Variants in ANK2 observed in about 807,000 individuals in gnomAD.
ANK2 encodes ankyrin-2.
ANK2 carries 83 observed loss-of-function variants against 360.5 expected under a neutral mutation model. The ratio of observed to expected loss-of-function variants is 0.23; its 90% CI spans 0.19 to 0.28. The LOEUF (loss-of-function observed/expected upper bound fraction) is 0.28. Ranked by LOEUF, ANK2 falls within the 10% of genes least tolerant of loss-of-function variation. The probability of loss-of-function intolerance (pLI) is 1.00; values close to 1 mark genes in which losing one functional copy is unlikely to be tolerated. For missense variants in ANK2, 4,201 were observed against 4,795.7 expected, an observed-to-expected ratio of 0.88 and a Z score of 3.66; for synonymous variants, 1,740 against 1,759.5, an observed-to-expected ratio of 0.99 and a Z score of 0.28.
At position 113,221,607 on chromosome 4, in the gene ANK2, C is replaced by T. The variant is rs1005057099; in HGVS notation, c.385-10554C>T. Among the ~76,000 whole-genome samples the T allele has an allele frequency of 6.0e-5, 9 of 150,802 alleles. No homozygotes were observed. In the East Asian group the frequency reaches 1.2e-3, roughly 20 times the overall value. On this transcript the variant is annotated intron_variant, in intron 4 of 45. Transcript: ENST00000357077. ...CCGGGAGGCGGAGGTTCCAGTGAGCCGAGATCGTGCCACTGCACTCCAGCC... is the reference window on the plus strand; with the variant it reads ...CCGGGAGGCGGAGGTTCCAGTGAGCTGAGATCGTGCCACTGCACTCCAGCC...
intron 2 of ANK2, among the ~76,000 whole-genome samples, chr4:113,178,398 C>T (rs943611402): frequency 1.3e-5 from 2 of 151,970 alleles, no homozygotes; most frequent in Admixed American, 6.6e-5. Context: ...GGTGAAACCC[C>T]GTCTCTACTA....
intron 2 of ANK2, among the ~76,000 whole-genome samples, chr4:112,996,062 C>T (rs534748875): frequency 9.2e-5 from 14 of 152,190 alleles, no homozygotes; most frequent in Non-Finnish European, 1.8e-4. Flanking sequence ...AGCTCCAAAT[C>T]GAAAACAACC....
intron 26 of ANK2, among the ~76,000 whole-genome samples, chr4:113,325,702 G>A (rs35933466): frequency 0.039 from 5,986 of 152,164 alleles, 177 homozygotes; most frequent in Non-Finnish European, 0.06. Flanking sequence ...TTTTCAAGTG[G>A]TATATTGTAT....
At chr4:113,025,804 T>C (rs1039831634) in intron 2 of ANK2, among the ~76,000 whole-genome samples, 5 of 152,118 alleles carry the variant, frequency 3.3e-5, no homozygotes, top group African/African-American at 1.2e-4. Flanking sequence ...AAAAGCAGCT[T>C]TTGAGAGATG....
At chr4:113,346,685 T>A (rs1401455361) in intron 35 of ANK2, among the ~76,000 whole-genome samples, 2 of 152,112 alleles carry the variant, frequency 1.3e-5, no homozygotes, top group Admixed American at 6.6e-5. Flanking sequence ...AAATTGTTGG[T>A]TAAAATAAAA....
chr4:112,843,703 G>GC (rs1560754617), intron 1 of ANK2, among the ~76,000 whole-genome samples: 2 of 151,902 alleles, frequency 1.3e-5, no homozygotes, highest in African/African-American at 4.8e-5. Flanking sequence ...TTTTTAGAAT[G>GC]CTTATGGATC....
intron 2 of ANK2, among the ~76,000 whole-genome samples, chr4:112,917,163 C>A (rs1273361958): frequency 1.1e-4 from 16 of 152,200 alleles, no homozygotes; most frequent in Admixed American, 1.0e-3. Context: ...GTCCAAGAAC[C>A]ACACAACTAC....
In ANK2 at chr4:112,950,851, A is replaced by G. The variant is rs370647591; in HGVS notation, c.21+46337A>G. On this transcript the variant is annotated intron_variant, in intron 2 of 30. Coordinates refer to the ANK2 transcript ENST00000503271. Reference sequence around the variant, plus strand: ...TAATCCCAGCACTTTGGGAGGCCGAAGCGGGCGGATCACGAGGTCAGGAGA... The same window carrying G: ...TAATCCCAGCACTTTGGGAGGCCGAGGCGGGCGGATCACGAGGTCAGGAGA... Among the ~76,000 whole-genome samples, 936 of 149,576 alleles carry G rather than the reference A, an allele frequency of 6.3e-3. 28 individuals carry two copies. The highest frequency in any genetic ancestry group is 0.041 in the Admixed American group (610 of 15,020).
At chr4:112,849,840 T>C (rs1184952535) in intron 1 of ANK2, among the ~76,000 whole-genome samples, 1 of 152,208 alleles carries the variant, frequency 6.6e-6, no homozygotes, top group East Asian at 1.9e-4. Context: ...TCTGGGTGTG[T>C]CTGTGAGGGT....
At chr4:112,792,098 A>T in the ANK2 span, among the ~76,000 whole-genome samples, 2 of 128,482 alleles carry the variant, frequency 1.6e-5, no homozygotes, top group African/African-American at 6.2e-5. Flanking sequence ...CTGGAGTGCA[A>T]TGGTGCAATC....
chr4:113,160,304 G>T, intron 1 of ANK2: 1 of 413,710 alleles, frequency 2.4e-6, no homozygotes. Flanking sequence ...GAGCTCAAGT[G>T]ATCCTCTTGC....
At chr4:113,257,976 G>T in intron 11 of ANK2, 74 bp from the exon 12 acceptor site, 3 of 1,305,846 alleles carry the variant, frequency 2.3e-6, no homozygotes, top group Non-Finnish European at 3.3e-6. Context: ...ATTATTGCCT[G>T]CAATGTGCCA....
intron 1 of ANK2, among the ~76,000 whole-genome samples, chr4:112,878,796 G>A (rs1372516804): frequency 2.0e-5 from 3 of 151,896 alleles, no homozygotes; most frequent in Non-Finnish European, 4.4e-5. Context: ...CACCACGCCC[G>A]GCTAATTTTT....
At chr4:112,808,081 T>C in the ANK2 span, among the ~76,000 whole-genome samples, 1 of 152,234 alleles carries the variant, frequency 6.6e-6, no homozygotes, top group Non-Finnish European at 1.5e-5. Context: ...TTTAGTTGAC[T>C]GCAAGCTCAA....
intron 23 of ANK2, among the ~76,000 whole-genome samples, chr4:113,305,444 T>C (rs2076885517): frequency 6.6e-6 from 1 of 151,938 alleles, no homozygotes; most frequent in African/African-American, 2.4e-5. Context: ...ATATATTAAA[T>C]ATTACTGGTG....
chr4:113,181,519 A>T (rs1188713742), intron 2 of ANK2, among the ~76,000 whole-genome samples: 1 of 152,194 alleles, frequency 6.6e-6, no homozygotes, highest in African/African-American at 2.4e-5. Context: ...GCAGAGAGAC[A>T]AAAACTCTGC....
At chr4:113,265,586 C>T (rs2055505458) in intron 14 of ANK2, among the ~76,000 whole-genome samples, 1 of 152,162 alleles carries the variant, frequency 6.6e-6, no homozygotes, top group South Asian at 2.1e-4. Context: ...CAGACTTGTC[C>T]TGTTTCTAAT....
intron 1 of ANK2, among the ~76,000 whole-genome samples, chr4:113,050,488 C>G (rs1241465532): frequency 1.3e-5 from 2 of 152,086 alleles, no homozygotes; most frequent in African/African-American, 4.8e-5. Flanking sequence ...TTCCCACACC[C>G]TCGATTTTCA....
chr4:113,261,809 T>G (rs2153646888), intron 13 of ANK2, among the ~76,000 whole-genome samples: 1 of 152,300 alleles, frequency 6.6e-6, no homozygotes, highest in South Asian at 2.1e-4. Flanking sequence ...AACTTAAGTA[T>G]AAAATAAAGG....
Sources: allele counts gnomAD v4.1 joint callset (sites outside exome capture counted in the v4.1 genomes callset), GRCh38; gene constraint gnomAD v4.1.1; transcripts MANE v1.5; gene names NCBI Gene and HGNC (gene_info 2026-07-23, HGNC 2026-07-21).